RB1CC1: variants seen among roughly 807,000 people sequenced by gnomAD.
RB1CC1 encodes the protein RB1 inducible coiled-coil 1.
In RB1CC1, 46 loss-of-function variants were observed where a neutral mutation model predicts 177.5. The ratio of observed to expected loss-of-function variants is 0.26; its 90% CI spans 0.20 to 0.33. The LOEUF is 0.33. Among genes scored for constraint, RB1CC1 ranks in the 10% least tolerant of loss-of-function variants. RB1CC1 has a pLI of 1.00. For missense variants in RB1CC1, 1,703 were observed against 1,816.3 expected (o/e 0.94, Z 1.13); for synonymous variants, 666 against 613.6 (o/e 1.09, Z -1.26).
intron 7 of RB1CC1, among the ~76,000 whole-genome samples, chr8:52,672,970 T>C (rs565918580): frequency 6.6e-6 from 1 of 152,306 alleles, no homozygotes; most frequent in Admixed American, 6.5e-5. Flanking sequence ...CAGAATGTCA[T>C]CAAGAAACTG....
At chr8:52,681,731 G>A (rs1052425943) in intron 5 of RB1CC1, among the ~76,000 whole-genome samples, 1 of 152,324 alleles carries the variant, frequency 6.6e-6, no homozygotes, top group Non-Finnish European at 1.5e-5. Context: ...AGGAGTTTGA[G>A]ACCAACCTCG....
chr8:52,629,005 G>A (rs984473968), intron 21 of RB1CC1, among the ~76,000 whole-genome samples: 4 of 152,182 alleles, frequency 2.6e-5, no homozygotes, highest in African/African-American at 9.6e-5. Flanking sequence ...AAAATGGGGA[G>A]ATGGGAAATG....
At chr8:52,631,877 G>A (rs771644354) in intron 20 of RB1CC1, among the ~76,000 whole-genome samples, 11 of 152,244 alleles carry the variant, frequency 7.2e-5, no homozygotes, top group Admixed American at 2.0e-4. Context: ...CAATGCCAGC[G>A]CTCTGACACC....
At chr8:52,684,076 G>C in intron 3 of RB1CC1, 63 bp from the exon 4 acceptor site, 12 of 1,513,320 alleles carry the variant, frequency 7.9e-6, no homozygotes, top group Non-Finnish European at 1.1e-5. Flanking sequence ...TATTTTCCAA[G>C]TAGTACTATG....
intron 1 of RB1CC1, among the ~76,000 whole-genome samples, chr8:52,707,337 C>A (rs750113307): frequency 6.6e-6 from 1 of 151,960 alleles, no homozygotes; most frequent in Admixed American, 6.6e-5. Context: ...GGTGCTTTTC[C>A]TTTAAATCTA....
chr8:52,678,500 G>A (rs1440155000), intron 5 of RB1CC1, among the ~76,000 whole-genome samples: 2 of 152,152 alleles, frequency 1.3e-5, no homozygotes, highest in Non-Finnish European at 2.9e-5. Flanking sequence ...AACAACAGAG[G>A]TATGAGAGAG....
rs975645961 is a variant in RB1CC1, at chr8:52,656,069, C to T, written c.3760G>A (p.Glu1254Lys). Residue 1254 changes from glutamate to lysine, a missense_variant, in exon 15 of 24, where the codon GAA becomes AAA. Glu to Lys is a moderately conservative substitution (Grantham distance 56). Around this residue, in one of 6 missense-constraint regions of RB1CC1, gnomAD observed 1,169 missense variants for 1,184.7 expected, o/e 0.99. Transcript: ENST00000025008. ...TCTAATAACTCTTTCTCAACAACTT[C>T]TCTCTCCAATTTAAATTCTTTTAGG... ...TALKEFKLEREVVEKELLEKV... is the reference protein window; with the variant it reads ...TALKEFKLERKVVEKELLEKV... 1.9e-6 allele frequency: 3 copies of T among 1,613,112 alleles called. No homozygotes were observed. Among genetic ancestry groups the T allele is most frequent in the Non-Finnish European group, 2.5e-6 (3 of 1,179,686 alleles).
At chr8:52,652,285 C>T (rs1850665364) in intron 15 of RB1CC1, among the ~76,000 whole-genome samples, 1 of 151,682 alleles carries the variant, frequency 6.6e-6, no homozygotes, top group African/African-American at 2.4e-5. Flanking sequence ...GCTAACATGG[C>T]GAAACCCCAT....
At chr8:52,672,172 G>C (rs1852664439) in intron 7 of RB1CC1, among the ~76,000 whole-genome samples, 1 of 152,032 alleles carries the variant, frequency 6.6e-6, no homozygotes, top group Non-Finnish European at 1.5e-5. Context: ...TTTAGAGATA[G>C]AGTCTCACTA....
intron 8 of RB1CC1, among the ~76,000 whole-genome samples, chr8:52,667,292 T>TA (rs754001920): frequency 3.3e-5 from 5 of 151,880 alleles, no homozygotes; most frequent in Admixed American, 6.6e-5. Context: ...TGTTTTGCCT[T>TA]AAAAAAAAGG....
chr8:52,665,229 A>T (rs961963140), intron 8 of RB1CC1, among the ~76,000 whole-genome samples: 2 of 152,190 alleles, frequency 1.3e-5, no homozygotes, highest in Non-Finnish European at 2.9e-5. Context: ...TAGACAAAGA[A>T]CTATCTAGAC....
intron 7 of RB1CC1, among the ~76,000 whole-genome samples, chr8:52,668,443 A>G (rs979676606): frequency 7.2e-5 from 11 of 152,224 alleles, no homozygotes; most frequent in African/African-American, 2.4e-4. Context: ...AATCAGTGCT[A>G]CAATTTAATC....
chr8:52,684,173 A>G (rs1297654293), intron 3 of RB1CC1, among the ~76,000 whole-genome samples, 160 bp from the exon 4 acceptor site: 1 of 152,244 alleles, frequency 6.6e-6, no homozygotes, highest in Non-Finnish European at 1.5e-5. Context: ...TTTAATGAAC[A>G]GGATTCCATA....
intron 22 of RB1CC1, 34 bp from the exon 23 acceptor site, chr8:52,624,821 A>G (rs1848268070): frequency 1.5e-6 from 2 of 1,377,500 alleles, no homozygotes; most frequent in Non-Finnish European, 9.8e-7. Context: ...TCTTTTTGAA[A>G]GTATGATTAT....
intron 1 of RB1CC1, among the ~76,000 whole-genome samples, chr8:52,706,975 T>C (rs1253101425): frequency 6.6e-6 from 1 of 152,116 alleles, no homozygotes; most frequent in East Asian, 1.9e-4. Context: ...TATCTTTATG[T>C]AAACATAAGA....
At chr8:52,649,406 A>G (rs1041737412) in intron 15 of RB1CC1, among the ~76,000 whole-genome samples, 2 of 152,366 alleles carry the variant, frequency 1.3e-5, no homozygotes, top group African/African-American at 4.8e-5. Flanking sequence ...GGACTGTATT[A>G]TATCCAAATA....
At chr8:52,670,535 T>C (rs571351164) in intron 7 of RB1CC1, among the ~76,000 whole-genome samples, 337 of 152,336 alleles carry the variant, frequency 2.2e-3, no homozygotes, top group Non-Finnish European at 3.7e-3. Flanking sequence ...TTCCTTAAGA[T>C]CACAAGTTGT....
chr8:52,653,598 TAGG>T (rs1263622768), intron 15 of RB1CC1, among the ~76,000 whole-genome samples: 1 of 152,080 alleles, frequency 6.6e-6, no homozygotes, highest in South Asian at 2.1e-4. Context: ...TGTGGTCCAC[TAGG>T]AGGAGGAGAT....
At chr8:52,707,701 A>C (rs1300308403) in intron 1 of RB1CC1, among the ~76,000 whole-genome samples, 2 of 152,128 alleles carry the variant, frequency 1.3e-5, no homozygotes, top group Non-Finnish European at 2.9e-5. Flanking sequence ...ACTGTTGCCT[A>C]CAGCAGGGCA....
Sources: allele counts gnomAD v4.1 joint callset (sites outside exome capture counted in the v4.1 genomes callset), GRCh38; gene constraint gnomAD v4.1.1; regional missense constraint gnomAD v4.1.1; transcripts MANE v1.5; gene names NCBI Gene and HGNC (gene_info 2026-07-23, HGNC 2026-07-21).